The following DNAJC1 variants were observed in gnomAD, a reference collection of about 807,000 sequenced individuals.
The protein encoded by DNAJC1 is DnaJ heat shock protein family (Hsp40) member C1.
A neutral mutation model predicts 76.6 loss-of-function variants in DNAJC1; 58 were observed. The ratio of observed to expected loss-of-function variants is 0.76; its 90% CI spans 0.61 to 0.94. DNAJC1 has a LOEUF of 0.94. Among genes scored for constraint, DNAJC1 ranks in the 40% least tolerant of loss-of-function variants. The pLI is 0.00. For missense variants in DNAJC1, 689 were observed against 677.3 expected (o/e 1.02, Z -0.19); for synonymous variants, 258 against 267.9 (o/e 0.96, Z 0.36).
chr10:21,799,895 G>A (rs745623082), intron 9 of DNAJC1, among the ~76,000 whole-genome samples: 2 of 152,090 alleles, frequency 1.3e-5, no homozygotes, highest in Non-Finnish European at 2.9e-5. Flanking sequence ...TGAAGGCACT[G>A]TTCCCTCATC....
At chr10:21,779,362 C>T (rs1265319413) in intron 9 of DNAJC1, among the ~76,000 whole-genome samples, 1 of 152,308 alleles carries the variant, frequency 6.6e-6, no homozygotes, top group East Asian at 1.9e-4. Flanking sequence ...GGCCAACTGA[C>T]ACCTCACACG....
At chr10:21,981,540 CAG>C (rs1253831176) in intron 1 of DNAJC1, among the ~76,000 whole-genome samples, 2 of 152,050 alleles carry the variant, frequency 1.3e-5, no homozygotes, top group African/African-American at 4.8e-5. Flanking sequence ...TTGAGCCTAA[CAG>C]ATAAGCTCCA....
intron 8 of DNAJC1, among the ~76,000 whole-genome samples, chr10:21,847,421 TTA>T (rs1835677961): frequency 6.6e-6 from 1 of 152,294 alleles, no homozygotes; most frequent in South Asian, 2.1e-4. Context: ...CTTGAAAAAT[TTA>T]TCATTTCTTT....
rs754389891 is a variant in DNAJC1, at chr10:21,806,109, A to G, written c.979-10T>C. ...CTGTCCATTCAGGTGCCTGCAAAAC[A>G]TTAAAGAAAATAAAAAAAGATAATT... On this transcript the variant is annotated splice_polypyrimidine_tract_variant and intron_variant, in intron 8 of 11. Coordinates refer to ENST00000376980, the MANE Select transcript of DNAJC1 (RefSeq NM_022365.4). The G allele has an allele frequency of 6.3e-6, 10 of 1,592,558 alleles. No homozygotes were observed. The highest frequency in any genetic ancestry group is 8.5e-6 in the Non-Finnish European group (10 of 1,170,522).
At chr10:21,905,525 C>T (rs1477087552) in intron 6 of DNAJC1, among the ~76,000 whole-genome samples, 1 of 152,020 alleles carries the variant, frequency 6.6e-6, no homozygotes, top group Non-Finnish European at 1.5e-5. Flanking sequence ...CTTATTAATC[C>T]CTGAAAACCC....
intron 1 of DNAJC1, among the ~76,000 whole-genome samples, chr10:21,934,284 T>G (rs1372403264): frequency 6.6e-6 from 1 of 152,008 alleles, no homozygotes; most frequent in African/African-American, 2.4e-5. Context: ...AATATTTTTA[T>G]ACAGCTATAT....
At chr10:21,852,840 C>A (rs1835778517) in intron 8 of DNAJC1, among the ~76,000 whole-genome samples, 2 of 151,570 alleles carry the variant, frequency 1.3e-5, no homozygotes, top group Middle Eastern at 3.2e-3. Context: ...GATACACACA[C>A]AAATGATTAT....
intron 10 of DNAJC1, among the ~76,000 whole-genome samples, chr10:21,762,909 GA>G (rs1229579981): frequency 5.3e-5 from 8 of 152,162 alleles, no homozygotes; most frequent in Admixed American, 1.3e-4. Flanking sequence ...ACATAACAAA[GA>G]AAATACTTTC....
intron 6 of DNAJC1, among the ~76,000 whole-genome samples, chr10:21,908,531 C>T (rs1836797016): frequency 7.0e-6 from 1 of 142,426 alleles, no homozygotes; most frequent in African/African-American, 2.6e-5. Flanking sequence ...ATAATAAAAT[C>T]GTTTAATGGG....
At chr10:21,818,074 T>C (rs954318547) in intron 8 of DNAJC1, among the ~76,000 whole-genome samples, 20 of 152,320 alleles carry the variant, frequency 1.3e-4, no homozygotes, top group African/African-American at 4.6e-4. Flanking sequence ...CCTTAAACTC[T>C]GACCGCTGGT....
chr10:21,808,372 T>C (rs539293697), intron 8 of DNAJC1, among the ~76,000 whole-genome samples: 1 of 152,178 alleles, frequency 6.6e-6, no homozygotes, highest in South Asian at 2.1e-4. Flanking sequence ...AAAAGCATAG[T>C]AGTTTTCTGA....
chr10:21,951,015 T>C lies in DNAJC1; in HGVS notation c.223-21874A>G, dbSNP rs540420767. Reference sequence around the variant, plus strand: ...GCTGCAGAAATGCTTTAATTCAGACTTGGCATTGCTGCCAGATAGATTAAA... The same window carrying C: ...GCTGCAGAAATGCTTTAATTCAGACCTGGCATTGCTGCCAGATAGATTAAA... On this transcript the variant is annotated intron_variant, in intron 1 of 11. Coordinates refer to ENST00000376980, the MANE Select transcript of DNAJC1 (RefSeq NM_022365.4). Among the ~76,000 whole-genome samples, 9 of 152,274 alleles carry C rather than the reference T, an allele frequency of 5.9e-5. No homozygotes were observed. The East Asian group carries it at 1.4e-3, about 23-fold the overall frequency.
chr10:21,792,191 G>A (rs755707342), intron 9 of DNAJC1, among the ~76,000 whole-genome samples: 13 of 152,204 alleles, frequency 8.5e-5, no homozygotes, highest in East Asian at 5.8e-4. Flanking sequence ...GAATAGACCC[G>A]TAATAACTTA....
At chr10:21,930,267 G>A (rs957459531) in intron 1 of DNAJC1, among the ~76,000 whole-genome samples, 2 of 152,118 alleles carry the variant, frequency 1.3e-5, no homozygotes, top group East Asian at 1.9e-4. Flanking sequence ...GAGCCACCGC[G>A]CCTGGCTGGG....
chr10:21,850,783 CT>C (rs554357003), intron 8 of DNAJC1, among the ~76,000 whole-genome samples: 1 of 152,032 alleles, frequency 6.6e-6, no homozygotes, highest in African/African-American at 2.4e-5. Flanking sequence ...TACTACAAAG[CT>C]ATTGTAATCA....
intron 6 of DNAJC1, among the ~76,000 whole-genome samples, chr10:21,911,037 G>C (rs1564824994): frequency 9.2e-6 from 1 of 108,404 alleles, no homozygotes; most frequent in African/African-American, 4.0e-5. Flanking sequence ...AAGAAAGAGA[G>C]AGAAAGGAAG....
At chr10:21,822,370 C>T (rs777947100) in intron 8 of DNAJC1, among the ~76,000 whole-genome samples, 22 of 151,998 alleles carry the variant, frequency 1.4e-4, no homozygotes, top group Non-Finnish European at 2.5e-4. Context: ...ACCCAGGAGG[C>T]GGAGGTTGCA....
intron 8 of DNAJC1, among the ~76,000 whole-genome samples, chr10:21,851,497 G>A (rs1186484168): frequency 6.6e-6 from 1 of 152,188 alleles, no homozygotes; most frequent in Non-Finnish European, 1.5e-5. Flanking sequence ...AAGTGAAGGT[G>A]AGAATATGGA....
intron 6 of DNAJC1, among the ~76,000 whole-genome samples, chr10:21,905,523 T>A (rs1193587355): frequency 6.6e-6 from 1 of 152,144 alleles, no homozygotes; most frequent in Non-Finnish European, 1.5e-5. Flanking sequence ...CTCTTATTAA[T>A]CCCTGAAAAC....
Sources: gnomAD v4.1 joint callset for allele counts (sites outside exome capture counted in the v4.1 genomes callset) on GRCh38, gnomAD v4.1.1 for gene constraint, MANE v1.5 for transcripts, NCBI Gene and HGNC (gene_info 2026-07-23, HGNC 2026-07-21) for gene names.